PRTG: variants seen among roughly 807,000 people sequenced by gnomAD.
PRTG encodes the protein immunoglobulin superfamily, DCC subclass, member 5.
Under a neutral mutation model 122.5 loss-of-function variants are expected in PRTG, and 67 were observed. The observed-to-expected ratio is 0.55, with a 90% confidence interval of 0.45 to 0.67. The LOEUF is 0.67. PRTG is among the 30% of genes least tolerant of loss of function. The pLI, the probability that PRTG is intolerant of heterozygous loss-of-function variation, is 0.00. For synonymous variants in PRTG, 554 were observed against 501.1 expected, an observed-to-expected ratio of 1.11 and a Z score of -1.41; for missense variants, 1,435 against 1,415.4, an observed-to-expected ratio of 1.01 and a Z score of -0.22.
chr15:55,731,746 T>C lies in PRTG; in HGVS notation c.397+8636A>G, dbSNP rs918495832. 4.6e-5 allele frequency among the ~76,000 whole-genome samples: 7 copies of C among 152,182 alleles called. 1 individual carries two copies. Among genetic ancestry groups the C allele is most frequent in the Non-Finnish European group, 1.0e-4 (7 of 68,034 alleles). ...AACCAGTATTAAAATACTAATACAT[T>C]AGCAAAACTCTCAAGATAAAGTCAG... On this transcript the variant is annotated intron_variant, in intron 2 of 19. Coordinates refer to ENST00000389286, the MANE Select transcript of PRTG (RefSeq NM_173814.6).
chr15:55,646,369 A>C (rs370659181), intron 11 of PRTG, among the ~76,000 whole-genome samples: 59 of 144,924 alleles, frequency 4.1e-4, no homozygotes, highest in South Asian at 1.3e-3. Context: ...GTCGCCCAGG[A>C]TGGAGTGCAG....
chr15:55,731,122 C>T (rs377417478), intron 2 of PRTG, among the ~76,000 whole-genome samples: 1 of 132,068 alleles, frequency 7.6e-6, no homozygotes, highest in Non-Finnish European at 1.7e-5. Flanking sequence ...TGTACTTTGT[C>T]TCTCTTTTAT....
intron 2 of PRTG, among the ~76,000 whole-genome samples, chr15:55,706,030 TTTTG>T (rs1368636115): frequency 7.0e-6 from 1 of 143,240 alleles, no homozygotes; most frequent in Non-Finnish European, 1.5e-5. Context: ...TTTTTTTTTT[TTTTG>T]TATTTTTAGT....
chr15:55,702,978 T>C (rs754706331), intron 2 of PRTG: 3 of 953,942 alleles, frequency 3.1e-6, no homozygotes, highest in Non-Finnish European at 3.7e-6. Context: ...ATCTTGGGAA[T>C]TCTCATAATA....
At chr15:55,646,414 C>T (rs972261032) in intron 11 of PRTG, among the ~76,000 whole-genome samples, 5 of 151,874 alleles carry the variant, frequency 3.3e-5, no homozygotes, top group African/African-American at 9.7e-5. Context: ...GCTCCGCCTA[C>T]AGGGTTCACG....
chr15:55,628,764 T>C (rs1371149560), intron 16 of PRTG, 58 bp downstream of exon 16: 8 of 1,390,808 alleles, frequency 5.8e-6, no homozygotes, highest in Non-Finnish European at 6.9e-6. Context: ...AAATAATGTG[T>C]AAGGAAGAAC....
At chr15:55,676,341 G>A (rs12373006) in intron 8 of PRTG, among the ~76,000 whole-genome samples, 33,277 of 151,938 alleles carry the variant, frequency 0.22, 4,783 homozygotes, top group East Asian at 0.58. Context: ...GTATAGAAGA[G>A]GATTTGTCTT....
At chr15:55,662,010 A>G (rs1014639473) in intron 11 of PRTG, among the ~76,000 whole-genome samples, 8 of 152,206 alleles carry the variant, frequency 5.3e-5, no homozygotes, top group Non-Finnish European at 1.2e-4. Context: ...TCGAAAGGTG[A>G]TAACTATTCA....
chr15:55,645,546 A>G (rs2059317345), intron 11 of PRTG, among the ~76,000 whole-genome samples: 1 of 151,682 alleles, frequency 6.6e-6, no homozygotes, highest in Non-Finnish European at 1.5e-5. Flanking sequence ...TAGAACAGCT[A>G]CAGAATTAAC....
intron 2 of PRTG, among the ~76,000 whole-genome samples, chr15:55,703,927 G>A (rs1465468256): frequency 6.6e-6 from 1 of 152,180 alleles, no homozygotes. Flanking sequence ...GGTCACAGAA[G>A]TGTATGCGAC....
At chr15:55,679,789 A>G (rs1265559834) in intron 6 of PRTG, 4 of 465,902 alleles carry the variant, frequency 8.6e-6, no homozygotes, top group Non-Finnish European at 1.5e-5. Context: ...AGGTACACGG[A>G]TATGTGTGTA....
At chr15:55,652,100 T>A (rs2059356046) in intron 11 of PRTG, among the ~76,000 whole-genome samples, 1 of 152,190 alleles carries the variant, frequency 6.6e-6, no homozygotes, top group South Asian at 2.1e-4. Flanking sequence ...TATGTACAAC[T>A]TTAAATTGTT....
At chr15:55,630,970 A>C (rs1033225380) in intron 15 of PRTG, among the ~76,000 whole-genome samples, 1 of 152,176 alleles carries the variant, frequency 6.6e-6, no homozygotes, top group Non-Finnish European at 1.5e-5. Context: ...AATATATTTC[A>C]TTAGGCAAAT....
At position 55,683,917 on chromosome 15, in the gene PRTG, C is replaced by T. The variant is rs1424806393; in HGVS notation, c.412G>A (p.Glu138Lys). 4 of 1,612,962 alleles carry T rather than the reference C, an allele frequency of 2.5e-6. No individual in the cohort carries two copies. The highest frequency in any genetic ancestry group is 3.3e-5 in the Admixed American group (2 of 59,816). ...HLALSTISAFEVQPISTEVHE... is the reference protein window; with the variant it reads ...HLALSTISAFKVQPISTEVHE... ...ACCTCAGTGGAAATTGGCTGGACTT[C>T]AAATGCAGAAATAGCTATAAGATAA... The change falls in exon 3 of 20, where the codon GAA becomes AAA. Residue 138 changes from glutamate (E) to lysine (K), a missense_variant. Physicochemically the swap from Glu to Lys is moderately conservative, Grantham distance 56. Transcript: ENST00000389286.
intron 2 of PRTG, among the ~76,000 whole-genome samples, chr15:55,727,236 T>C (rs1368223626): frequency 6.6e-6 from 1 of 151,476 alleles, no homozygotes; most frequent in Non-Finnish European, 1.5e-5. Flanking sequence ...CATTTTTGAA[T>C]AGATGAACAA....
chr15:55,649,276 T>C (rs2059340823), intron 11 of PRTG, among the ~76,000 whole-genome samples: 1 of 152,156 alleles, frequency 6.6e-6, no homozygotes, highest in African/African-American at 2.4e-5. Context: ...CCAGGCTGAC[T>C]GGAATTCCAA....
At chr15:55,700,434 A>C (rs2059655585) in intron 2 of PRTG, among the ~76,000 whole-genome samples, 1 of 152,224 alleles carries the variant, frequency 6.6e-6, no homozygotes, top group Non-Finnish European at 1.5e-5. Flanking sequence ...ATGACTTATA[A>C]AAAGCACAAT....
At chr15:55,678,887 C>A (rs571675622) in intron 7 of PRTG, among the ~76,000 whole-genome samples, 1 of 152,204 alleles carries the variant, frequency 6.6e-6, no homozygotes, top group African/African-American at 2.4e-5. Flanking sequence ...TTATTAAAAT[C>A]ATTAACTATA....
At chr15:55,634,793 G>A (rs1049376325) in intron 15 of PRTG, among the ~76,000 whole-genome samples, 4 of 151,606 alleles carry the variant, frequency 2.6e-5, no homozygotes, top group Non-Finnish European at 4.4e-5. Context: ...AGTGAGCCAA[G>A]ATCCACTGTA....
Sources: allele counts gnomAD v4.1 joint callset (sites outside exome capture counted in the v4.1 genomes callset), GRCh38; gene constraint gnomAD v4.1.1; transcripts MANE v1.5; gene names NCBI Gene and HGNC (gene_info 2026-07-23, HGNC 2026-07-21).